Variants in NUP37 observed in about 807,000 individuals in gnomAD.
NUP37 encodes nucleoporin Nup37.
Under a neutral mutation model 45.4 loss-of-function variants are expected in NUP37, and 33 were observed. That is an observed-to-expected ratio of 0.73 (90% CI 0.55 to 0.97). The LOEUF is 0.97. Ranked by LOEUF, NUP37 falls within the 50% of genes least tolerant of loss-of-function variation. The probability of loss-of-function intolerance (pLI) is 0.00; values close to 1 mark genes in which losing one functional copy is unlikely to be tolerated. For missense variants in NUP37, 365 were observed against 389.7 expected, an observed-to-expected ratio of 0.94 and a Z score of 0.53; for synonymous variants, 127 against 130.7, an observed-to-expected ratio of 0.97 and a Z score of 0.19.
In NUP37 at chr12:102,075,026, T is replaced by C. The variant is rs770765282; in HGVS notation, c.842A>G (p.Gln281Arg). The C allele has an allele frequency of 6.2e-7, 1 of 1,610,974 alleles. No individual in the cohort carries two copies. The highest frequency in any genetic ancestry group is 1.1e-5 in the South Asian group (1 of 90,660). Reference sequence around the variant, plus strand: ...CTGAGGGTGTCCTAAATGATGAATTTGAAACTGGCTTGCCATTTTGCCAGG... The same window carrying C: ...CTGAGGGTGTCCTAAATGATGAATTCGAAACTGGCTTGCCATTTTGCCAGG... ...GYPGKMASQF[Q>R]IHHLGHPQPI... is the part of the protein sequence containing the mutation. Residue 281 changes from glutamine (Q) to arginine (R), a missense_variant, in exon 9 of 10, where the codon CAA (glutamine) becomes CGA (arginine). By Grantham distance (43) the Gln-to-Arg change is conservative (BLOSUM62 1). Coordinates refer to ENST00000552283, the MANE Select transcript of NUP37 (RefSeq NM_024057.4).
intron 3 of NUP37, among the ~76,000 whole-genome samples, chr12:102,105,081 CTATT>C (rs1374819261): frequency 6.6e-6 from 1 of 152,124 alleles, no homozygotes; most frequent in Non-Finnish European, 1.5e-5. Flanking sequence ...GGCTGTCTTT[CTATT>C]TATTTGTGTC....
intron 6 of NUP37, among the ~76,000 whole-genome samples, chr12:102,084,515 G>A (rs1371294167): frequency 1.3e-5 from 2 of 152,046 alleles, no homozygotes; most frequent in Non-Finnish European, 2.9e-5. Flanking sequence ...GTAGTGGTGC[G>A]TGCCTATAGT....
intron 6 of NUP37, among the ~76,000 whole-genome samples, chr12:102,079,889 C>T (rs1395791901): frequency 3.3e-5 from 5 of 152,138 alleles, no homozygotes; most frequent in Admixed American, 2.0e-4. Context: ...TGCACATAAG[C>T]GGACTCAAAC....
intron 3 of NUP37, among the ~76,000 whole-genome samples, chr12:102,111,283 TG>T (rs1422141626): frequency 6.6e-6 from 1 of 151,970 alleles, no homozygotes; most frequent in Non-Finnish European, 1.5e-5. Context: ...CTGCAGGGAG[TG>T]GGGTACAATG....
At chr12:102,118,032 G>A (rs2136760966) in intron 2 of NUP37, among the ~76,000 whole-genome samples, 1 of 152,272 alleles carries the variant, frequency 6.6e-6, no homozygotes, top group East Asian at 1.9e-4. Context: ...AAAGCAGGAT[G>A]TAGAAAAACC....
chr12:102,112,091 G>T lies in NUP37; in HGVS notation c.281+17C>A. The T allele has an allele frequency of 6.2e-7, 1 of 1,610,314 alleles. No individual in the cohort carries two copies. Among genetic ancestry groups the T allele is most frequent in the Non-Finnish European group, 8.5e-7 (1 of 1,177,358 alleles). ...AAGTACATTAGTAAGGAATGCATTT[G>T]GTACTGTTAAACTTACTTGATTACT... is the stretch of plus-strand genomic sequence containing the variant. On this transcript the variant is annotated intron_variant, in intron 3 of 9. Coordinates refer to ENST00000552283, the MANE Select transcript of NUP37 (RefSeq NM_024057.4).
intron 5 of NUP37, 56 bp downstream of exon 5, chr12:102,099,050 T>A: frequency 8.7e-7 from 1 of 1,144,854 alleles, no homozygotes; most frequent in Non-Finnish European, 1.3e-6. Context: ...ATTTTAAAAA[T>A]GTAATTCTCA....
chr12:102,076,869 T>C (rs1879185391), intron 7 of NUP37, 22 bp from the exon 8 acceptor site: 1 of 1,590,730 alleles, frequency 6.3e-7, no homozygotes, highest in Admixed American at 1.7e-5. Context: ...TATTTTGCAT[T>C]TTATGAATTA....
chr12:102,089,497 C>G (rs1217687747), intron 5 of NUP37, among the ~76,000 whole-genome samples: 7 of 146,652 alleles, frequency 4.8e-5, no homozygotes, highest in African/African-American at 1.8e-4. Flanking sequence ...GACGGGGCAG[C>G]CAGGCAGAGA....
In NUP37 at chr12:102,118,562, T is replaced by C; in HGVS notation, c.-44A>G. The C allele has an allele frequency of 6.3e-7, 1 of 1,576,180 alleles. No homozygotes were observed. Among genetic ancestry groups the C allele is most frequent in the Non-Finnish European group, 8.6e-7 (1 of 1,158,144 alleles). ...AGCAGTTGTGAAAATTAAATAGCCT[T>C]CTACTGGACAAGGTCACGAAACTGT... On this transcript the variant is annotated 5_prime_UTR_variant, in exon 2 of 10. Transcript: ENST00000552283.
intron 3 of NUP37, among the ~76,000 whole-genome samples, chr12:102,106,643 T>C (rs77210012): frequency 2.0e-3 from 304 of 152,340 alleles, no homozygotes; most frequent in African/African-American, 6.9e-3. Context: ...CAAATACCTA[T>C]ATTTAATTAA....
At position 102,099,297 on chromosome 12, in the gene NUP37, C is replaced by T. The variant is rs1879905354; in HGVS notation, c.355-97G>A. On this transcript the variant is annotated intron_variant, in intron 4 of 9. Transcript: ENST00000552283. The stretch of plus-strand genomic sequence containing the variant: ...TTTGCTTCACTGCCTTAAAAGCTTT[C>T]ACTGCCTGTTTTTCTATAAATATTT... 8 of 775,114 alleles carry T rather than the reference C, an allele frequency of 1.0e-5. No individual in the cohort carries two copies. In the South Asian group the frequency reaches 1.3e-4, roughly 12 times the overall value. The allele number at this position is 775,114 out of a possible 1,614,324, so 48.0% of individuals were successfully genotyped here. A position where few individuals can be genotyped will look rare whatever the true frequency, so the allele number is the denominator to read the frequency against.
Position 102,110,854 on chromosome 12 carries a change from G to A in NUP37, c.281+1254C>T, listed in dbSNP as rs531211837. 8.5e-5 allele frequency among the ~76,000 whole-genome samples: 13 copies of A among 152,282 alleles called. 1 individual carries two copies. The South Asian group carries it at 2.7e-3, about 32-fold the overall frequency. ...AGCCAGACCTTGTCTCAAAATGAAT[G>A]AATGAGTGTTGGAGAGTAGGAAGAC... is the stretch of plus-strand genomic sequence containing the variant. On this transcript the variant is annotated intron_variant, in intron 3 of 9. Transcript: ENST00000552283.
chr12:102,119,674 G>A (rs1176149662), intron 1 of NUP37, among the ~76,000 whole-genome samples: 1 of 152,164 alleles, frequency 6.6e-6, no homozygotes, highest in African/African-American at 2.4e-5. Context: ...TCAGGGACTG[G>A]AGACTTTTGA....
intron 8 of NUP37, 88 bp from the exon 9 acceptor site, chr12:102,075,182 C>CTT: frequency 1.2e-6 from 1 of 809,402 alleles, no homozygotes; most frequent in Non-Finnish European, 1.9e-6. Context: ...TTTTCTTTTT[C>CTT]TTTTTTTTTA....
chr12:102,118,031 T>C (rs1232809921), intron 2 of NUP37, among the ~76,000 whole-genome samples: 2 of 152,214 alleles, frequency 1.3e-5, no homozygotes, highest in Non-Finnish European at 1.5e-5. Context: ...CAAAGCAGGA[T>C]GTAGAAAAAC....
intron 5 of NUP37, among the ~76,000 whole-genome samples, chr12:102,095,333 G>A (rs1021283379): frequency 2.0e-5 from 3 of 151,910 alleles, no homozygotes; most frequent in Non-Finnish European, 4.4e-5. Flanking sequence ...ATGACACTAG[G>A]TCATAACTAT....
intron 2 of NUP37, among the ~76,000 whole-genome samples, chr12:102,114,003 G>A (rs573871691): frequency 6.6e-6 from 1 of 152,092 alleles, no homozygotes; most frequent in South Asian, 2.1e-4. Context: ...ACAGCAAAAA[G>A]TTTTTCCACA....
chr12:102,116,383 G>C (rs1207702186), intron 2 of NUP37, among the ~76,000 whole-genome samples: 2 of 152,112 alleles, frequency 1.3e-5, no homozygotes, highest in Non-Finnish European at 2.9e-5. Context: ...TTGTACATTG[G>C]TGGCTTGCAT....
Sources: allele counts gnomAD v4.1 joint callset (sites outside exome capture counted in the v4.1 genomes callset), GRCh38; gene constraint gnomAD v4.1.1; transcripts MANE v1.5; gene names NCBI Gene and HGNC (gene_info 2026-07-23, HGNC 2026-07-21).